Variants in CRYZ observed in about 807,000 individuals in gnomAD.
CRYZ encodes the protein crystallin zeta, also known as zeta-crystallin.
Under a neutral mutation model 34.1 loss-of-function variants are expected in CRYZ, and 35 were observed. The ratio of observed to expected loss-of-function variants is 1.03; its 90% CI spans 0.78 to 1.36. The LOEUF is 1.36. Ranked by LOEUF, CRYZ falls within the 40% of genes most tolerant of loss-of-function variation. CRYZ has a pLI of 0.00. For synonymous variants in CRYZ, 137 were observed against 136.5 expected (o/e 1.00, Z -0.03); for missense variants, 403 against 391.8 (o/e 1.03, Z -0.24).
At chr1:74,714,983 C>T (rs915582961) in intron 4 of CRYZ, among the ~76,000 whole-genome samples, 1 of 152,092 alleles carries the variant, frequency 6.6e-6, no homozygotes, top group Non-Finnish European at 1.5e-5. Context: ...CCATATATCC[C>T]CCACAGAAAG....
intron 5 of CRYZ, among the ~76,000 whole-genome samples, chr1:74,712,430 C>G (rs1647017424): frequency 6.6e-6 from 1 of 152,082 alleles, no homozygotes; most frequent in Non-Finnish European, 1.5e-5. Context: ...CTACTCATAA[C>G]CAGTGATTTA....
chr1:74,728,452 A>G (rs1165856010), intron 1 of CRYZ, among the ~76,000 whole-genome samples: 1 of 152,254 alleles, frequency 6.6e-6, no homozygotes. Flanking sequence ...TGTGGGTTAT[A>G]ATTTCTTGAA....
chr1:74,723,067 A>C, intron 3 of CRYZ, 51 bp downstream of exon 3: 5 of 1,570,256 alleles, frequency 3.2e-6, no homozygotes, highest in Non-Finnish European at 4.3e-6. Context: ...ATGTTCAAAT[A>C]TTTTTATGAA....
intron 1 of CRYZ, 39 bp from the exon 2 acceptor site, chr1:74,724,873 T>C: frequency 8.4e-7 from 1 of 1,187,392 alleles, no homozygotes; most frequent in South Asian, 1.3e-5. Flanking sequence ...TCACATTGTA[T>C]CTAGGATATC....
rs757098166 is a variant in CRYZ, at chr1:74,719,349, G to A, written c.288C>T (p.Ser96=). 3.4e-5 allele frequency: 54 copies of A among 1,611,694 alleles called. 2 individuals carry two copies. The highest frequency in any genetic ancestry group is 7.6e-6 in the Non-Finnish European group (9 of 1,178,122). ...AFKKGDRVFT[S]STISGGYAEY... is the part of the protein sequence containing the mutation. Reference sequence around the variant, plus strand: ...CTGCATAACCCCCAGAGATCGTGCTGCTAGTGAAAACTCTGTCACCTTTCT... The same window carrying A: ...CTGCATAACCCCCAGAGATCGTGCTACTAGTGAAAACTCTGTCACCTTTCT... Residue 96 remains serine, a synonymous_variant, in exon 4 of 9, where the codon AGC becomes AGT. Coordinates refer to ENST00000340866, the MANE Select transcript of CRYZ (RefSeq NM_001889.4).
At chr1:74,722,947 T>C (rs926211245) in intron 3 of CRYZ, among the ~76,000 whole-genome samples, 171 bp downstream of exon 3, 3 of 152,158 alleles carry the variant, frequency 2.0e-5, no homozygotes, top group Non-Finnish European at 2.9e-5. Context: ...ATAAGGCCTC[T>C]GGATAAAATC....
At chr1:74,707,023 T>G (rs1646938682) in intron 7 of CRYZ, 29 bp from the exon 8 acceptor site, 1 of 1,586,330 alleles carries the variant, frequency 6.3e-7, no homozygotes, top group Non-Finnish European at 8.6e-7. Flanking sequence ...ATTCTACAGT[T>G]AAAGATTACT....
chr1:74,723,517 T>A (rs903701948), intron 2 of CRYZ, among the ~76,000 whole-genome samples: 1 of 152,224 alleles, frequency 6.6e-6, no homozygotes, highest in Non-Finnish European at 1.5e-5. Context: ...AGGGGATATG[T>A]GGCAGAGACC....
chr1:74,710,099 T>G lies in CRYZ; in HGVS notation c.629A>C (p.Lys210Thr), dbSNP rs1368717347. The change falls in exon 6 of 9, where the codon AAG (lysine) becomes ACG (threonine). Residue 210 changes from lysine (K) to threonine (T), a missense_variant and splice_region_variant. Lys to Thr is a moderately conservative substitution (Grantham distance 78). Coordinates refer to ENST00000340866, the MANE Select transcript of CRYZ (RefSeq NM_001889.4). Reference protein sequence around the residue: ...HREVNYIDKIKKYVGEKGIDI... With the variant: ...HREVNYIDKITKYVGEKGIDI... The stretch of plus-strand genomic sequence containing the variant: ...TTGTAAAACAGTGGAAAATTTTACC[T>G]TAATTTTATCAATGTAATTCACTTC... The G allele has an allele frequency of 1.2e-6, 2 of 1,611,472 alleles. No homozygotes were observed. Among genetic ancestry groups the G allele is most frequent in the Admixed American group, 3.4e-5 (2 of 59,594 alleles).
intron 5 of CRYZ, among the ~76,000 whole-genome samples, chr1:74,714,133 G>C (rs1159105391): frequency 6.6e-6 from 1 of 152,016 alleles, no homozygotes; most frequent in African/African-American, 2.4e-5. Flanking sequence ...AAGGGAGATA[G>C]AAGGACTAAG....
At chr1:74,716,195 C>CATGT (rs1647071395) in intron 4 of CRYZ, among the ~76,000 whole-genome samples, 1 of 147,150 alleles carries the variant, frequency 6.8e-6, no homozygotes, top group African/African-American at 2.5e-5. Context: ...AATCTGTGTG[C>CATGT]GCGTGTGTGT....
rs781186543 is a variant in CRYZ at position 74,714,642 on chromosome 1, A to T, written c.429-12T>A. 9.3e-6 allele frequency: 15 copies of T among 1,613,360 alleles called. No individual in the cohort carries two copies. In the East Asian group the frequency reaches 2.7e-4, roughly 29 times the overall value. ...CTTTCACACAGGCACTGCAAAGGAA[A>T]GCATAAGTTACATCACCTTATTTTT... On this transcript the variant is annotated splice_polypyrimidine_tract_variant and intron_variant, in intron 4 of 8. Coordinates refer to ENST00000340866, the MANE Select transcript of CRYZ (RefSeq NM_001889.4).
Position 74,710,088 on chromosome 1 carries a change from A to G in CRYZ, c.630+10T>C. On this transcript the variant is annotated intron_variant, in intron 6 of 8. Coordinates refer to ENST00000340866, the MANE Select transcript of CRYZ (RefSeq NM_001889.4). ...AAGTTTGACTTTTGTAAAACAGTGG[A>G]AAATTTTACCTTAATTTTATCAATG... 8.1e-6 allele frequency: 13 copies of G among 1,609,458 alleles called. No homozygotes were observed. Among genetic ancestry groups the G allele is most frequent in the Non-Finnish European group, 1.0e-5 (12 of 1,177,528 alleles).
intron 6 of CRYZ, among the ~76,000 whole-genome samples, chr1:74,709,123 A>T (rs1646968236): frequency 6.6e-6 from 1 of 152,150 alleles, no homozygotes. Flanking sequence ...CTACTTTTTC[A>T]AGAAGTTTTG....
rs993681998 is a variant in CRYZ at position 74,732,962 on chromosome 1, C to T, written c.-20G>A. The T allele has an allele frequency of 2.2e-6, 1 of 451,318 alleles. No individual in the cohort carries two copies. Among genetic ancestry groups the T allele is most frequent in the Admixed American group, 3.9e-5 (1 of 25,584 alleles). 28.0% of individuals were successfully genotyped at this position (451,318 alleles called of 1,614,324 possible). ...AGTTTTTAAAACCACTTACCAGAAT[C>T]TAGAGTGGGAATTAAAATCTGCGTG... On this transcript the variant is annotated 5_prime_UTR_variant, in exon 1 of 9. Transcript: ENST00000340866.
rs1387757877 is a variant in CRYZ at position 74,719,459 on chromosome 1, G to A, written c.265-87C>T. 3.2e-6 allele frequency: 4 copies of A among 1,266,734 alleles called. No individual in the cohort carries two copies. The Admixed American group carries it at 7.4e-5, about 23-fold the overall frequency. The allele number at this position is 1,266,734 out of a possible 1,614,324, so 78.5% of individuals were successfully genotyped here. A position where few individuals can be genotyped will look rare whatever the true frequency, so the allele number is the denominator to read the frequency against. ...TAATCCTTTATAACAAGAAATAAGT[G>A]AGTACTCATATATTGTCCTCTATAG... On this transcript the variant is annotated intron_variant, in intron 3 of 8. Transcript: ENST00000340866.
chr1:74,722,608 A>ATATGTG (rs1553172775), intron 3 of CRYZ, among the ~76,000 whole-genome samples: 1 of 150,528 alleles, frequency 6.6e-6, no homozygotes, highest in Non-Finnish European at 1.5e-5. Flanking sequence ...ATATATATAT[A>ATATGTG]TGTGTGTGTG....
At chr1:74,721,949 A>T (rs959707031) in intron 3 of CRYZ, among the ~76,000 whole-genome samples, 4 of 152,218 alleles carry the variant, frequency 2.6e-5, no homozygotes, top group Non-Finnish European at 5.9e-5. Flanking sequence ...TGAATTTTCA[A>T]TATGAATTTA....
rs762699573 is a variant in CRYZ at position 74,724,731 on chromosome 1, G to A, written c.91C>T (p.Pro31Ser). The A allele has an allele frequency of 7.5e-6, 12 of 1,609,582 alleles. 1 individual carries two copies. In the South Asian group the frequency reaches 1.3e-4, roughly 18 times the overall value. The change falls in exon 2 of 9, where the codon CCG (proline) becomes TCG (serine). Residue 31 changes from proline to serine, a missense_variant. Pro to Ser is a moderately conservative substitution (Grantham distance 74, BLOSUM62 -1). Transcript: ENST00000340866. ...VLKLRSDIAV[P>S]IPKDHQVLIK... is the part of the protein sequence containing the mutation. ...TCTACCTGATGGTCTTTTGGAATCG[G>A]TACTGCAATATCTGATCGCAATTTC...
Sources: gnomAD v4.1 joint callset for allele counts (sites outside exome capture counted in the v4.1 genomes callset) on GRCh38, gnomAD v4.1.1 for gene constraint, MANE v1.5 for transcripts, NCBI Gene and HGNC (gene_info 2026-07-23, HGNC 2026-07-21) for gene names.